The following TRIM72 variants were observed in gnomAD, a reference collection of about 807,000 sequenced individuals.
TRIM72 encodes the protein tripartite motif-containing protein 72.
In TRIM72, 33 loss-of-function variants were observed where a neutral mutation model predicts 31.6. The observed-to-expected ratio is 1.04, with a 90% CI of 0.79 to 1.40. The LOEUF is 1.40. Among genes scored for constraint, TRIM72 ranks in the 40% most tolerant of loss-of-function variants. The probability of loss-of-function intolerance (pLI) is 0.00; values close to 1 mark genes in which losing one functional copy is unlikely to be tolerated. For missense variants in TRIM72, 666 were observed against 682.7 expected, an observed-to-expected ratio of 0.98 and a Z score of 0.27; for synonymous variants, 301 against 314.4, an observed-to-expected ratio of 0.96 and a Z score of 0.45.
intron 6 of TRIM72, 138 bp from the exon 7 acceptor site, chr16:31,224,043 G>GGT: frequency 1.0e-6 from 1 of 980,020 alleles, no homozygotes; most frequent in East Asian, 2.8e-5. Flanking sequence ...AGTTGAGCCA[G>GGT]GTGTGATCTT....
At chr16:31,223,804 G>C (rs564864205) in intron 6 of TRIM72, among the ~76,000 whole-genome samples, 1 of 152,160 alleles carries the variant, frequency 6.6e-6, no homozygotes, top group South Asian at 2.1e-4. Flanking sequence ...CTACTTGGGA[G>C]ATGGGAGATG....
rs747286617 is a variant in TRIM72, at chr16:31,215,039, C to A, written c.301C>A (p.Arg101Ser). ...DPLSIYCEQD[R>S]ALVCGVCASL... ...GCTGAGCATCTACTGCGAGCAGGAC[C>A]GCGCGCTGGTGTGCGGAGTGTGCGC... Residue 101 changes from arginine (R) to serine (S), a missense_variant, in exon 2 of 7, where the codon CGC becomes AGC. Physicochemically the swap from Arg to Ser is moderately radical, Grantham distance 110 (BLOSUM62 -1). Coordinates refer to ENST00000322122, the MANE Select transcript of TRIM72 (RefSeq NM_001008274.4). This position sits in a 1 kb window ranked among gnomAD's most constrained non-coding sequence, Gnocchi z 6.3. The A allele has an allele frequency of 2.0e-6, 3 of 1,501,540 alleles. No individual in the cohort carries two copies. Among genetic ancestry groups the A allele is most frequent in the East Asian group, 2.7e-5 (1 of 37,166 alleles). The allele number at this position is 1,501,540 out of a possible 1,614,324, so 93.0% of individuals were successfully genotyped here.
chr16:31,217,212 G>A, intron 2 of TRIM72: 1 of 646,654 alleles, frequency 1.5e-6, no homozygotes, highest in Non-Finnish European at 2.6e-6. Context: ...GGGTCCCCCA[G>A]TTTCCCCTGG....
rs1357509911 is a variant in TRIM72 at position 31,216,913 on chromosome 16, A to G, written c.390+1785A>G. On this transcript the variant is annotated intron_variant, in intron 2 of 6. Transcript: ENST00000322122. The surrounding 1 kb of genome is among the most constrained non-coding windows in gnomAD (Gnocchi z 6.7). The stretch of plus-strand genomic sequence containing the variant: ...TAGCTGCCCGAGCGCGCCCCGCGGG[A>G]TGCGCTCAAAGCCCTCGCGCAGCGG... 1 of 1,613,954 alleles carries G rather than the reference A, an allele frequency of 6.2e-7. No individual in the cohort carries two copies. Among genetic ancestry groups the G allele is most frequent in the South Asian group, 1.1e-5 (1 of 91,090 alleles).
rs117500936 is a variant in TRIM72, at chr16:31,219,501, G to A, written c.699G>A (p.Pro233=). 10,660 of 1,611,716 alleles carry A rather than the reference G, an allele frequency of 6.6e-3. 51 individuals are homozygous for A. The highest frequency in any genetic ancestry group is 7.8e-3 in the Non-Finnish European group (9,182 of 1,179,158). The stretch of plus-strand genomic sequence containing the variant: ...TCCTGGAGGAGGTGGCGGACAAGCC[G>A]CAGACTGAGTTCCTCATGGTGAGCA... ...EKVLEEVADK[P]QTEFLMKYCL... Residue 233 remains proline, a synonymous_variant, in exon 4 of 7, where the codon CCG becomes CCA. Transcript: ENST00000322122. The surrounding 1 kb of genome is among the most constrained non-coding windows in gnomAD (Gnocchi z 4.2).
chr16:31,219,567 C>T lies in TRIM72; in HGVS notation c.717+48C>T, dbSNP rs370920625. 163 of 1,502,366 alleles carry T rather than the reference C, an allele frequency of 1.1e-4. No homozygotes were observed. Among genetic ancestry groups the T allele is most frequent in the Non-Finnish European group, 1.3e-4 (147 of 1,101,220 alleles). 93.1% of individuals were successfully genotyped at this position (1,502,366 alleles called of 1,614,324 possible). A position where few individuals can be genotyped will look rare whatever the true frequency, so the allele number is the denominator to read the frequency against. The stretch of plus-strand genomic sequence containing the variant: ...CCCTGCCTCAGCCCCCTGCTCAGGG[C>T]CCAGAGACCTCATCCCATTGTCAGA... On this transcript the variant is annotated intron_variant, in intron 4 of 6. Transcript: ENST00000322122. This position sits in a 1 kb window ranked among gnomAD's most constrained non-coding sequence, Gnocchi z 4.2.
In TRIM72 at chr16:31,228,728, C is replaced by T. The variant is rs1018497038; in HGVS notation, c.*3973C>T. 4 of 152,078 alleles carry T rather than the reference C, an allele frequency of 2.6e-5. No homozygotes were observed. Among genetic ancestry groups the T allele is most frequent in the African/African-American group, 7.3e-5 (3 of 41,378 alleles). The allele number at this position is 152,078 out of a possible 1,614,324, so 9.4% of individuals were successfully genotyped here. A position where few individuals can be genotyped will look rare whatever the true frequency, so the allele number is the denominator to read the frequency against. ...CTAGGATTACAGGCACCCACCACCA[C>T]GCCAGGTTAGTTTTTTCATTTTTAT... On this transcript the variant is annotated 3_prime_UTR_variant, in exon 7 of 7. Coordinates refer to ENST00000322122, the MANE Select transcript of TRIM72 (RefSeq NM_001008274.4).
rs1289155145 is a variant in TRIM72, at chr16:31,216,853, G to T, written c.390+1725G>T. On this transcript the variant is annotated intron_variant, in intron 2 of 6. Coordinates refer to ENST00000322122, the MANE Select transcript of TRIM72 (RefSeq NM_001008274.4). This position sits in a 1 kb window ranked among gnomAD's most constrained non-coding sequence, Gnocchi z 6.7. Reference sequence around the variant, plus strand: ...CTCGGCTGCGTAGTCCTCGTAGTAGGAGGCGACCAGCTTGTCGGTGAGGTC... The same window carrying T: ...CTCGGCTGCGTAGTCCTCGTAGTAGTAGGCGACCAGCTTGTCGGTGAGGTC... 2.5e-6 allele frequency: 4 copies of T among 1,613,860 alleles called. No homozygotes were observed. The highest frequency in any genetic ancestry group is 2.2e-5 in the South Asian group (2 of 91,090).
intron 6 of TRIM72, among the ~76,000 whole-genome samples, chr16:31,223,485 A>G (rs1172999824): frequency 6.6e-6 from 1 of 152,188 alleles, no homozygotes; most frequent in Non-Finnish European, 1.5e-5. Context: ...AGACAGCCTC[A>G]TTTTATTCAA....
Position 31,219,596 on chromosome 16 carries a change from GC to G in TRIM72, c.717+80del. ...GAGACCTCATCCCATTGTCAGATAG[GC>G]CCAGAGAGGGGCAGGGATAAGCCAG... On this transcript the variant is annotated intron_variant, in intron 4 of 6. Coordinates refer to ENST00000322122, the MANE Select transcript of TRIM72 (RefSeq NM_001008274.4). This position sits in a 1 kb window ranked among gnomAD's most constrained non-coding sequence, Gnocchi z 4.2. 1 of 1,344,080 alleles carries G rather than the reference GC, an allele frequency of 7.4e-7. No individual in the cohort carries two copies. Among genetic ancestry groups the G allele is most frequent in the Non-Finnish European group, 1.0e-6 (1 of 971,562 alleles). The allele number at this position is 1,344,080 out of a possible 1,614,324, so 83.3% of individuals were successfully genotyped here. A position where few individuals can be genotyped will look rare whatever the true frequency, so the allele number is the denominator to read the frequency against.
chr16:31,217,280 G>C, intron 2 of TRIM72: 1 of 530,664 alleles, frequency 1.9e-6, no homozygotes, highest in South Asian at 2.8e-5. Context: ...CTGCAGAGGA[G>C]GAAACAGGTT....
chr16:31,226,170 C>G lies in TRIM72; in HGVS notation c.*1415C>G, dbSNP rs1327498410. ...CCACAGGGGCTGACGCTGCGGGAAGCCCTGACCTAGTGCACAACCCATTGG... is the reference window on the plus strand; with the variant it reads ...CCACAGGGGCTGACGCTGCGGGAAGGCCTGACCTAGTGCACAACCCATTGG... On this transcript the variant is annotated 3_prime_UTR_variant, in exon 7 of 7. Coordinates refer to ENST00000322122, the MANE Select transcript of TRIM72 (RefSeq NM_001008274.4). 6.6e-6 allele frequency: 1 copy of G among 152,108 alleles called. No homozygotes were observed. Among genetic ancestry groups the G allele is most frequent in the Non-Finnish European group, 1.5e-5 (1 of 68,034 alleles). 9.4% of individuals were successfully genotyped at this position (152,108 alleles called of 1,614,324 possible). A position where few individuals can be genotyped will look rare whatever the true frequency, so the allele number is the denominator to read the frequency against.
Position 31,220,906 on chromosome 16 carries a change from TG to T in TRIM72, c.730del (p.Val244Ter). 1 of 1,614,216 alleles carries T rather than the reference TG, an allele frequency of 6.2e-7. No individual in the cohort carries two copies. The highest frequency in any genetic ancestry group is 8.5e-7 in the Non-Finnish European group (1 of 1,180,030). On this transcript the variant is annotated frameshift_variant, in exon 5 of 7. Coordinates refer to ENST00000322122, the MANE Select transcript of TRIM72 (RefSeq NM_001008274.4). LOFTEE classifies it high-confidence loss of function. Reference protein sequence around the residue: ...PQTEFLMKYCLVTSRLQKILA... With the variant: ...PQTEFLMKYCXVTSRLQKILA... ...TTTCTCTCTCTCCAGAAATACTGCC[TG>T]GTGACCAGCAGGTGAGAGCAACCTG...
chr16:31,223,279 T>C (rs73532246), intron 6 of TRIM72, among the ~76,000 whole-genome samples: 4,603 of 152,078 alleles, frequency 0.03, 210 homozygotes, highest in African/African-American at 0.099. Context: ...ATCCTGCCAA[T>C]TGGGGACTGA....
Position 31,216,888 on chromosome 16 carries a change from T to A in TRIM72, c.390+1760T>A. Reference sequence around the variant, plus strand: ...GCTTGTCGGTGAGGTCCACGATATCTAGCTGCCCGAGCGCGCCCCGCGGGA... The same window carrying A: ...GCTTGTCGGTGAGGTCCACGATATCAAGCTGCCCGAGCGCGCCCCGCGGGA... On this transcript the variant is annotated intron_variant, in intron 2 of 6. Coordinates refer to ENST00000322122, the MANE Select transcript of TRIM72 (RefSeq NM_001008274.4). This position sits in a 1 kb window ranked among gnomAD's most constrained non-coding sequence, Gnocchi z 6.7. The A allele has an allele frequency of 6.2e-7, 1 of 1,613,952 alleles. No homozygotes were observed. The highest frequency in any genetic ancestry group is 8.5e-7 in the Non-Finnish European group (1 of 1,179,998).
chr16:31,214,625 G>A (rs992758621), intron 1 of TRIM72, 107 bp from the exon 2 acceptor site: 2 of 1,238,658 alleles, frequency 1.6e-6, no homozygotes, highest in Non-Finnish European at 1.0e-6. Context: ...ACAGGCTGGG[G>A]CTTCTCCCTG....
At position 31,230,343 on chromosome 16, in the gene TRIM72, G is replaced by A. The variant is rs921258029; in HGVS notation, c.*5588G>A. 2 of 152,164 alleles carry A rather than the reference G, an allele frequency of 1.3e-5. No individual in the cohort carries two copies. The highest frequency in any genetic ancestry group is 4.8e-5 in the African/African-American group (2 of 41,426). 9.4% of individuals were successfully genotyped at this position (152,164 alleles called of 1,614,324 possible). On this transcript the variant is annotated 3_prime_UTR_variant, in exon 7 of 7. Transcript: ENST00000322122. ...CTTGAAAAGTAAAAAATGATGTAAT[G>A]CATGTCTCAACTGAATAACTGTCTT...
At chr16:31,223,054 G>T (rs1008836386) in intron 6 of TRIM72, 109 bp downstream of exon 6, 6 of 811,504 alleles carry the variant, frequency 7.4e-6, no homozygotes, top group African/African-American at 3.6e-5. Flanking sequence ...ACTGAAGGAG[G>T]TACCCATTGC....
chr16:31,221,509 G>GA (rs2079533493), intron 5 of TRIM72, among the ~76,000 whole-genome samples: 1 of 144,242 alleles, frequency 6.9e-6, no homozygotes, highest in African/African-American at 2.6e-5. Context: ...GCATTATGGG[G>GA]AGAAGGGCAT....
Sources: allele counts gnomAD v4.1 joint callset (sites outside exome capture counted in the v4.1 genomes callset), GRCh38; gene constraint gnomAD v4.1.1; non-coding constraint Gnocchi (gnomAD v3.1); transcripts MANE v1.5; gene names NCBI Gene and HGNC (gene_info 2026-07-23, HGNC 2026-07-21).